The following NEBL variants were observed in gnomAD, a reference collection of about 807,000 sequenced individuals.
NEBL encodes the protein nebulette, also known as LIM and SH3 protein 2.
In NEBL, 122 loss-of-function variants were observed where a neutral mutation model predicts 140.2. That is an observed-to-expected ratio of 0.87 (90% CI 0.75 to 1.01). The LOEUF (loss-of-function observed/expected upper bound fraction) is 1.01, where lower values mean the gene tolerates loss of function less well. NEBL is among the 50% of genes least tolerant of loss of function. NEBL has a pLI of 0.00. For synonymous variants in NEBL, 436 were observed against 398.9 expected, an observed-to-expected ratio of 1.09 and a Z score of -1.11; for missense variants, 1,365 against 1,231.3, an observed-to-expected ratio of 1.11 and a Z score of -1.62.
At chr10:21,084,578 C>T (rs892325091) in intron 2 of NEBL, among the ~76,000 whole-genome samples, 6 of 150,698 alleles carry the variant, frequency 4.0e-5, no homozygotes, top group African/African-American at 7.3e-5. Flanking sequence ...GCCTGGGTGA[C>T]GGAGCAAGAC....
rs551854237 is a variant in NEBL, at chr10:20,998,693, T to C, written c.249+21424A>G. 3.3e-5 allele frequency among the ~76,000 whole-genome samples: 5 copies of C among 152,314 alleles called. No homozygotes were observed. In the East Asian group the frequency reaches 9.6e-4, roughly 29 times the overall value. Reference sequence around the variant, plus strand: ...ATTCCAATAATGCACACAGCAATAATACTATCCAATCTGCATATTACATTA... The same window carrying C: ...ATTCCAATAATGCACACAGCAATAACACTATCCAATCTGCATATTACATTA... On this transcript the variant is annotated intron_variant, in intron 3 of 6. Transcript: ENST00000417816.
intron 26 of NEBL, among the ~76,000 whole-genome samples, chr10:20,800,450 T>G (rs1180309385): frequency 6.6e-6 from 1 of 152,168 alleles, no homozygotes; most frequent in Non-Finnish European, 1.5e-5. Context: ...CAGATATATT[T>G]ACAGGGTGGT....
At position 21,271,168 on chromosome 10, in the gene NEBL, C is replaced by A. The variant is rs1205005047; in HGVS notation, n.183-19340G>T. Among the ~76,000 whole-genome samples, 44 of 152,060 alleles carry A rather than the reference C, an allele frequency of 2.9e-4. 1 individual carries two copies. The highest frequency in any genetic ancestry group is 1.5e-5 in the Non-Finnish European group (1 of 68,006). ...ATATATACAATGGAATATTATACAGCCTTAAAAAATAAGGAAATCCTGCCA... is the reference window on the plus strand; with the variant it reads ...ATATATACAATGGAATATTATACAGACTTAAAAAATAAGGAAATCCTGCCA... On this transcript the variant is annotated intron_variant and non_coding_transcript_variant, in intron 1 of 8. Transcript: ENST00000675702.
chr10:21,045,248 C>T (rs1474501460), intron 2 of NEBL, among the ~76,000 whole-genome samples: 1 of 152,138 alleles, frequency 6.6e-6, no homozygotes, highest in African/African-American at 2.4e-5. Context: ...AAAATGTATG[C>T]TCAGAGATGA....
intron 2 of NEBL, chr10:21,020,270 TG>T (rs1838734204): frequency 2.2e-6 from 3 of 1,347,754 alleles, no homozygotes; most frequent in African/African-American, 2.9e-5. Flanking sequence ...TCACACCCAT[TG>T]TTTTGCACAT....
chr10:21,096,958 G>A (rs1015703209), intron 2 of NEBL, among the ~76,000 whole-genome samples: 1 of 151,160 alleles, frequency 6.6e-6, no homozygotes, highest in African/African-American at 2.4e-5. Context: ...ATTACAAAAA[G>A]GCTCAATCAA....
upstream of NEBL, among the ~76,000 whole-genome samples, chr10:20,897,825 T>G (rs555882789): frequency 6.6e-6 from 1 of 152,368 alleles, no homozygotes; most frequent in Non-Finnish European, 1.5e-5. Context: ...TTATTTATTA[T>G]GAAAAGCCCT....
intron 5 of NEBL, among the ~76,000 whole-genome samples, chr10:20,876,169 G>T (rs2574765): frequency 6.6e-6 from 1 of 152,182 alleles, no homozygotes; most frequent in South Asian, 2.1e-4. Context: ...ATACTATTCA[G>T]AAGAGAGAAA....
intron 3 of NEBL, among the ~76,000 whole-genome samples, chr10:21,215,505 A>G (rs367598610): frequency 7.9e-5 from 12 of 152,358 alleles, no homozygotes; most frequent in East Asian, 3.9e-4. Flanking sequence ...GTAAATATTC[A>G]GAATGAGAAA....
At chr10:20,930,488 A>T (rs1264615419) in intron 4 of NEBL, among the ~76,000 whole-genome samples, 1 of 152,142 alleles carries the variant, frequency 6.6e-6, no homozygotes, top group Non-Finnish European at 1.5e-5. Flanking sequence ...TGAAAATGCA[A>T]ATTAAATTGT....
chr10:21,020,037 C>T (rs1227187062), intron 3 of NEBL: 8 of 1,260,230 alleles, frequency 6.3e-6, no homozygotes, highest in African/African-American at 2.9e-5. Flanking sequence ...AGGAACAGTA[C>T]GAAGACAAGA....
intron 2 of NEBL, among the ~76,000 whole-genome samples, chr10:21,105,433 G>A (rs889228005): frequency 6.6e-6 from 1 of 151,934 alleles, no homozygotes; most frequent in Non-Finnish European, 1.5e-5. Flanking sequence ...GAGAACATGC[G>A]GTGTTTGGTT....
intron 4 of NEBL, among the ~76,000 whole-genome samples, chr10:20,944,160 G>A (rs1835042535): frequency 6.6e-6 from 1 of 152,188 alleles, no homozygotes; most frequent in Admixed American, 6.5e-5. Flanking sequence ...AGCACTTTGG[G>A]AGGCCGAGGC....
Position 21,163,235 on chromosome 10 carries a change from T to A in NEBL, c.164+9148A>T, listed in dbSNP as rs575839621. Among the ~76,000 whole-genome samples, 5 of 152,286 alleles carry A rather than the reference T, an allele frequency of 3.3e-5. No homozygotes were observed. The South Asian group carries it at 1.0e-3, about 32-fold the overall frequency. On this transcript the variant is annotated intron_variant, in intron 2 of 6. Coordinates refer to the NEBL transcript ENST00000417816. ...TTTTCCTATAAGCAATAGGGAGCCA[T>A]CACAGGTGTTTGAGCAAGAGAGTAG...
At chr10:20,911,931 C>A (rs897705883) in intron 4 of NEBL, among the ~76,000 whole-genome samples, 3 of 152,106 alleles carry the variant, frequency 2.0e-5, no homozygotes, top group Admixed American at 2.0e-4. Flanking sequence ...CAGTCTGTTG[C>A]AAAAATTTCT....
intron 4 of NEBL, among the ~76,000 whole-genome samples, chr10:20,946,233 C>T (rs552744589): frequency 6.3e-4 from 96 of 152,276 alleles, no homozygotes; most frequent in African/African-American, 1.9e-3. Context: ...CCAAAGTCTA[C>T]ATGTTGTTTC....
At chr10:20,933,949 G>C (rs1834337358) in intron 4 of NEBL, among the ~76,000 whole-genome samples, 2 of 151,988 alleles carry the variant, frequency 1.3e-5, no homozygotes, top group Admixed American at 1.3e-4. Flanking sequence ...ATGGCCAGCT[G>C]GGTACACTAT....
rs369873436 is a variant in NEBL, at chr10:20,791,923, A to G, written c.2762-4615T>C. 8.7e-4 allele frequency among the ~76,000 whole-genome samples: 133 copies of G among 152,296 alleles called. 2 individuals are homozygous for G. The Middle Eastern group carries it at 0.014, about 16-fold the overall frequency. ...TTGTATGCCATCATTTAATTACTGC[A>G]ACAACTATCTAAAACAGATACCATT... On this transcript the variant is annotated intron_variant, in intron 26 of 27. Coordinates refer to ENST00000377122, the MANE Select transcript of NEBL (RefSeq NM_006393.3).
chr10:21,018,917 A>C (rs1460395375), intron 3 of NEBL, among the ~76,000 whole-genome samples: 6 of 152,150 alleles, frequency 3.9e-5, no homozygotes, highest in Admixed American at 3.3e-4. Context: ...AATCCCAGCT[A>C]TTGGGGAGGC....
Sources: gnomAD v4.1 joint callset for allele counts (sites outside exome capture counted in the v4.1 genomes callset) on GRCh38, gnomAD v4.1.1 for gene constraint, MANE v1.5 for transcripts, NCBI Gene and HGNC (gene_info 2026-07-23, HGNC 2026-07-21) for gene names.